Variants in LRMDA observed in about 807,000 individuals in gnomAD.
The protein encoded by LRMDA is leucine rich melanocyte differentiation associated.
Under a neutral mutation model 29.8 loss-of-function variants are expected in LRMDA, and 18 were observed. The observed-to-expected ratio is 0.60, with a 90% CI of 0.42 to 0.90. The LOEUF (loss-of-function observed/expected upper bound fraction) is 0.90, where lower values mean the gene tolerates loss of function less well. LRMDA is among the 40% of genes least tolerant of loss of function. LRMDA has a pLI of 0.00. For synonymous variants in LRMDA, 125 were observed against 109.4 expected (o/e 1.14, Z -0.89); for missense variants, 273 against 273.9 (o/e 1.00, Z 0.02).
intron 5 of LRMDA, among the ~76,000 whole-genome samples, chr10:76,149,694 C>T (rs1850401432): frequency 6.6e-6 from 1 of 152,160 alleles, no homozygotes; most frequent in South Asian, 2.1e-4. Flanking sequence ...CTGTTCTGGC[C>T]TCCCTTAGAG....
chr10:75,521,305 G>A (rs1450799972), intron 2 of LRMDA, among the ~76,000 whole-genome samples: 1 of 152,248 alleles, frequency 6.6e-6, no homozygotes, highest in Non-Finnish European at 1.5e-5. Context: ...GCTATGTCCT[G>A]CCCACAGAGG....
At chr10:76,179,049 C>T (rs961212461) in intron 5 of LRMDA, among the ~76,000 whole-genome samples, 6 of 152,174 alleles carry the variant, frequency 3.9e-5, no homozygotes, top group Non-Finnish European at 8.8e-5. Context: ...CTGGTTGTTT[C>T]CTTAGACTTG....
At chr10:76,127,549 CAATGA>C (rs1160474899) in intron 5 of LRMDA, among the ~76,000 whole-genome samples, 1 of 143,604 alleles carries the variant, frequency 7.0e-6, no homozygotes, top group Non-Finnish European at 1.5e-5. Flanking sequence ...GTTATAAAAC[CAATGA>C]AATGAAAGAG....
chr10:75,871,904 A>G (rs557844589), intron 2 of LRMDA, among the ~76,000 whole-genome samples: 1 of 152,328 alleles, frequency 6.6e-6, no homozygotes, highest in Non-Finnish European at 1.5e-5. Context: ...CTCAATATCC[A>G]AGATCTGAGG....
intron 2 of LRMDA, among the ~76,000 whole-genome samples, chr10:75,511,241 G>A (rs1175756749): frequency 6.6e-6 from 1 of 152,138 alleles, no homozygotes; most frequent in Non-Finnish European, 1.5e-5. Flanking sequence ...AGGCTGAGGT[G>A]GGAGGATTGC....
intron 2 of LRMDA, among the ~76,000 whole-genome samples, chr10:75,928,599 A>T (rs1304590558): frequency 6.6e-6 from 1 of 152,204 alleles, no homozygotes; most frequent in African/African-American, 2.4e-5. Flanking sequence ...CCGCGAGGGT[A>T]GTTACTGTTT....
chr10:75,552,694 T>C, intron 2 of LRMDA: 1 of 327,106 alleles, frequency 3.1e-6, no homozygotes, highest in South Asian at 2.3e-5. Flanking sequence ...TCTCCTACTT[T>C]TGGGATTCAA....
chr10:76,235,328 A>G (rs1294684648), intron 5 of LRMDA, among the ~76,000 whole-genome samples: 1 of 152,194 alleles, frequency 6.6e-6, no homozygotes, highest in South Asian at 2.1e-4. Flanking sequence ...CTGATCACAG[A>G]TCACCATAAC....
At chr10:76,450,073 CTCTTTT>C (rs1168783881) in intron 6 of LRMDA, among the ~76,000 whole-genome samples, 1 of 152,122 alleles carries the variant, frequency 6.6e-6, no homozygotes, top group Middle Eastern at 3.4e-3. Context: ...TTCTTGATTT[CTCTTTT>C]TCTTTATTAG....
intron 2 of LRMDA, among the ~76,000 whole-genome samples, chr10:75,653,987 G>T (rs567850017): frequency 6.6e-6 from 1 of 152,274 alleles, no homozygotes; most frequent in South Asian, 2.1e-4. Context: ...CCCCGGGTTG[G>T]CCTCTATGTG....
rs536083031 is a variant in LRMDA at position 76,525,385 on chromosome 10, C to G, written c.602-31824C>G. Among the ~76,000 whole-genome samples, 10 of 152,270 alleles carry G rather than the reference C, an allele frequency of 6.6e-5. No individual in the cohort carries two copies. In the East Asian group the frequency reaches 1.9e-3, roughly 29 times the overall value. On this transcript the variant is annotated intron_variant, in intron 6 of 6. Transcript: ENST00000611255. ...CACTGTTAACCATGATGACATCTCA[C>G]CCACTACTGCTCCTGAAGTCCTAAA...
At chr10:75,780,331 C>T (rs1215280508) in intron 2 of LRMDA, among the ~76,000 whole-genome samples, 1 of 152,138 alleles carries the variant, frequency 6.6e-6, no homozygotes, top group Non-Finnish European at 1.5e-5. Flanking sequence ...GGGAGAATGT[C>T]AAATGTTGCC....
chr10:76,098,349 A>G (rs1179364607), intron 5 of LRMDA, among the ~76,000 whole-genome samples: 3 of 152,166 alleles, frequency 2.0e-5, no homozygotes, highest in African/African-American at 7.2e-5. Context: ...AAGATTTTTA[A>G]CTACAAATAC....
At chr10:75,582,993 A>G (rs887593039) in intron 2 of LRMDA, among the ~76,000 whole-genome samples, 4 of 152,178 alleles carry the variant, frequency 2.6e-5, no homozygotes, top group South Asian at 2.1e-4. Flanking sequence ...CCAGTTCTCA[A>G]TAAGTTTCTC....
At chr10:76,424,905 G>A (rs1300509728) in intron 6 of LRMDA, among the ~76,000 whole-genome samples, 1 of 152,190 alleles carries the variant, frequency 6.6e-6, no homozygotes. Context: ...ATGATGGGTG[G>A]TTGAGTCAGG....
chr10:75,586,308 C>G (rs953651998), intron 2 of LRMDA, among the ~76,000 whole-genome samples: 1 of 143,320 alleles, frequency 7.0e-6, no homozygotes, highest in Non-Finnish European at 1.5e-5. Flanking sequence ...TAACACTGTG[C>G]AAGGGTTCCA....
At chr10:75,581,952 C>T (rs1213828409) in intron 2 of LRMDA, among the ~76,000 whole-genome samples, 4 of 152,146 alleles carry the variant, frequency 2.6e-5, no homozygotes, top group Admixed American at 2.6e-4. Flanking sequence ...TCTTAAAGCT[C>T]CAAGATAGTA....
At chr10:76,191,422 A>C (rs1851244082) in intron 5 of LRMDA, among the ~76,000 whole-genome samples, 1 of 152,172 alleles carries the variant, frequency 6.6e-6, no homozygotes, top group Non-Finnish European at 1.5e-5. Flanking sequence ...AGGATATTTG[A>C]ATCCTTTGTC....
At chr10:76,034,345 C>T (rs1470392690) in intron 2 of LRMDA, among the ~76,000 whole-genome samples, 4 of 152,092 alleles carry the variant, frequency 2.6e-5, no homozygotes, top group African/African-American at 9.7e-5. Flanking sequence ...TGTGTTTTGC[C>T]TCTCGGAACC....
Sources: gnomAD v4.1 joint callset for allele counts (sites outside exome capture counted in the v4.1 genomes callset) on GRCh38, gnomAD v4.1.1 for gene constraint, MANE v1.5 for transcripts, NCBI Gene and HGNC (gene_info 2026-07-23, HGNC 2026-07-21) for gene names.